NCAM2: variants seen among roughly 807,000 people sequenced by gnomAD.
NCAM2 encodes the protein neural cell adhesion molecule 2.
NCAM2 carries 30 observed loss-of-function variants against 98.1 expected under a neutral mutation model. That is an observed-to-expected ratio of 0.31 (90% CI 0.23 to 0.41). The LOEUF is 0.41. NCAM2 is among the 10% of genes least tolerant of loss of function. The pLI is 1.00. For missense variants in NCAM2, 867 were observed against 1,005.8 expected (o/e 0.86, Z 1.87); for synonymous variants, 368 against 342.4 (o/e 1.07, Z -0.83).
At chr21:21,415,463 G>C (rs1270528983) in intron 10 of NCAM2, among the ~76,000 whole-genome samples, 1 of 150,444 alleles carries the variant, frequency 6.6e-6, no homozygotes, top group African/African-American at 2.4e-5. Context: ...AGCCTCCCGA[G>C]TAGCTGGGAC....
chr21:21,368,078 T>G (rs232506), intron 8 of NCAM2, among the ~76,000 whole-genome samples: 54,293 of 151,512 alleles, frequency 0.36, 9,931 homozygotes, highest in East Asian at 0.58. Context: ...TCATAATATT[T>G]TAATTTTAAA....
chr21:21,212,579 C>T (rs573608311), intron 1 of NCAM2, among the ~76,000 whole-genome samples: 1 of 152,110 alleles, frequency 6.6e-6, no homozygotes, highest in African/African-American at 2.4e-5. Flanking sequence ...ACAGGTAAAC[C>T]TGGGGAAAGC....
intron 11 of NCAM2, among the ~76,000 whole-genome samples, chr21:21,425,474 G>A (rs1742170184): frequency 6.6e-6 from 1 of 152,080 alleles, no homozygotes; most frequent in South Asian, 2.1e-4. Context: ...GTGAATCTGG[G>A]TGTCCGTGAG....
chr21:21,337,969 A>G (rs2074921478), intron 7 of NCAM2, among the ~76,000 whole-genome samples: 2 of 152,100 alleles, frequency 1.3e-5, no homozygotes, highest in African/African-American at 4.8e-5. Context: ...ATGTGTCTGT[A>G]TAAATATATT....
At chr21:21,100,566 C>T (rs1336137448) in intron 1 of NCAM2, among the ~76,000 whole-genome samples, 2 of 151,984 alleles carry the variant, frequency 1.3e-5, no homozygotes, top group Non-Finnish European at 2.9e-5. Flanking sequence ...CTATATTTCC[C>T]TATGTTACAT....
intron 1 of NCAM2, among the ~76,000 whole-genome samples, chr21:21,244,981 T>G (rs1412864529): frequency 6.6e-6 from 1 of 152,096 alleles, no homozygotes; most frequent in Non-Finnish European, 1.5e-5. Flanking sequence ...GTCCGAATTC[T>G]TCAAATCAAG....
At chr21:21,133,933 G>C (rs1470994618) in intron 1 of NCAM2, among the ~76,000 whole-genome samples, 1 of 152,082 alleles carries the variant, frequency 6.6e-6, no homozygotes, top group Non-Finnish European at 1.5e-5. Flanking sequence ...CTGGGTAGAT[G>C]GTTGTGGATA....
intron 11 of NCAM2, among the ~76,000 whole-genome samples, chr21:21,431,005 G>A (rs1274325308): frequency 2.3e-5 from 3 of 131,552 alleles, no homozygotes; most frequent in Admixed American, 9.0e-5. Context: ...CTGAGATCAC[G>A]CCACTGCACT....
At chr21:21,485,832 G>A (rs1016509849) in intron 15 of NCAM2, among the ~76,000 whole-genome samples, 6 of 152,088 alleles carry the variant, frequency 3.9e-5, no homozygotes, top group African/African-American at 1.2e-4. Context: ...AATATTTTTC[G>A]TGTCTCTTTT....
At chr21:21,511,699 C>T (rs1037963316) in intron 16 of NCAM2, among the ~76,000 whole-genome samples, 1 of 151,988 alleles carries the variant, frequency 6.6e-6, no homozygotes, top group African/African-American at 2.4e-5. Context: ...TATTAAGTTA[C>T]ATTCCCACTA....
chr21:21,077,066 CAT>C (rs1444493323), intron 1 of NCAM2, among the ~76,000 whole-genome samples: 1 of 152,128 alleles, frequency 6.6e-6, no homozygotes, highest in Non-Finnish European at 1.5e-5. Context: ...TTCTACCACA[CAT>C]ATCATCTGTG....
chr21:21,393,564 T>G (rs1178333492), intron 9 of NCAM2, among the ~76,000 whole-genome samples: 1 of 152,166 alleles, frequency 6.6e-6, no homozygotes, highest in Non-Finnish European at 1.5e-5. Flanking sequence ...AATATCTTAA[T>G]AAACCAAGAT....
intron 1 of NCAM2, among the ~76,000 whole-genome samples, chr21:21,208,782 C>T (rs2069536708): frequency 6.6e-6 from 1 of 152,132 alleles, no homozygotes; most frequent in African/African-American, 2.4e-5. Context: ...ATTCTTAAAA[C>T]TCCCAATATA....
intron 8 of NCAM2, among the ~76,000 whole-genome samples, chr21:21,367,810 TA>T (rs58260296): frequency 0.024 from 3,634 of 152,030 alleles, 144 homozygotes; most frequent in African/African-American, 0.083. Flanking sequence ...GTAAAGTAGT[TA>T]ATCTCAGGCT....
At chr21:21,423,524 C>A (rs1163882116) in intron 11 of NCAM2, among the ~76,000 whole-genome samples, 1 of 152,056 alleles carries the variant, frequency 6.6e-6, no homozygotes, top group African/African-American at 2.4e-5. Flanking sequence ...GAGATAATGA[C>A]CTTACTTATT....
At chr21:21,262,276 G>T (rs573698321) in intron 1 of NCAM2, among the ~76,000 whole-genome samples, 29 of 152,192 alleles carry the variant, frequency 1.9e-4, no homozygotes, top group African/African-American at 6.5e-4. Context: ...TCTACCAGAT[G>T]TACAAAGCAG....
intron 1 of NCAM2, among the ~76,000 whole-genome samples, chr21:21,182,583 A>G (rs377256406): frequency 6.6e-6 from 1 of 152,066 alleles, no homozygotes; most frequent in African/African-American, 2.4e-5. Flanking sequence ...AAATTTTGTC[A>G]TGTGTCTGTT....
intron 1 of NCAM2, among the ~76,000 whole-genome samples, chr21:21,250,321 AC>A (rs1452893869): frequency 6.6e-6 from 1 of 152,226 alleles, no homozygotes; most frequent in Non-Finnish European, 1.5e-5. Flanking sequence ...TGCGTACTTT[AC>A]CTATGAGTTT....
rs1237479592 is a variant in NCAM2, at chr21:21,534,592, A to C, written c.2338A>C (p.Thr780Pro). ...GATGAGAACAGAGGATGAAAGAGTT[A>C]CTAATCACGAAGATGGGAGCCCAGT... is the stretch of plus-strand genomic sequence containing the variant. ...VEMRTEDERV[T>P]NHEDGSPVNE... is the part of the protein sequence containing the mutation. The change falls in exon 17 of 18, where the codon ACT (threonine) becomes CCT (proline). Residue 780 changes from threonine to proline, a missense_variant. Physicochemically the swap from Thr to Pro is conservative, Grantham distance 38 (BLOSUM62 -1). Coordinates refer to ENST00000400546, the MANE Select transcript of NCAM2 (RefSeq NM_004540.5). 1 of 1,608,102 alleles carries C rather than the reference A, an allele frequency of 6.2e-7. No individual in the cohort carries two copies. The highest frequency in any genetic ancestry group is 8.5e-7 in the Non-Finnish European group (1 of 1,175,422).
Sources: gnomAD v4.1 joint callset for allele counts (sites outside exome capture counted in the v4.1 genomes callset) on GRCh38, gnomAD v4.1.1 for gene constraint, MANE v1.5 for transcripts, NCBI Gene and HGNC (gene_info 2026-07-23, HGNC 2026-07-21) for gene names.